SUMF1: variants seen among roughly 807,000 people sequenced by gnomAD.
The protein encoded by SUMF1 is sulfatase modifying factor 1, also known as formylglycine-generating enzyme.
SUMF1 carries 48 observed loss-of-function variants against 47.6 expected under a neutral mutation model. The ratio of observed to expected loss-of-function variants is 1.01; its 90% CI spans 0.80 to 1.28. The LOEUF is 1.28. Among genes scored for constraint, SUMF1 ranks in the 50% most tolerant of loss-of-function variants. The pLI, the probability that SUMF1 is intolerant of heterozygous loss-of-function variation, is 0.00. For missense variants in SUMF1, 571 were observed against 485.4 expected (o/e 1.18, Z -1.66); for synonymous variants, 230 against 192.1 (o/e 1.20, Z -1.63).
intron 9 of SUMF1, among the ~76,000 whole-genome samples, chr3:4,044,170 C>G (rs1282835046): frequency 2.0e-5 from 3 of 152,168 alleles, no homozygotes; most frequent in Non-Finnish European, 2.9e-5. Context: ...CCCTTGCCTT[C>G]TTATGTTAGA....
chr3:4,157,620 C>G lies in SUMF1; in HGVS notation c.1015-88875G>C, dbSNP rs188515519. Among the ~76,000 whole-genome samples, 176 of 151,584 alleles carry G rather than the reference C, an allele frequency of 1.2e-3. 4 individuals are homozygous for G. Among genetic ancestry groups the G allele is most frequent in the Non-Finnish European group, 2.0e-3 (138 of 67,914 alleles). On this transcript the variant is annotated intron_variant and NMD_transcript_variant, in intron 8 of 12. Transcript: ENST00000448413. ...GTAATGAGTCCATGGATTTCTTCTT[C>G]CCTGTGTTCTTCTCTCTAATCATCA...
chr3:4,412,128 A>G (rs1301698806), intron 6 of SUMF1, among the ~76,000 whole-genome samples: 1 of 152,252 alleles, frequency 6.6e-6, no homozygotes, highest in East Asian at 1.9e-4. Context: ...ATCAGCAATC[A>G]TTATGGAAAC....
rs1327363096 is a variant in SUMF1, at chr3:4,038,281, T to G, written c.1191+30288A>C. On this transcript the variant is annotated intron_variant and NMD_transcript_variant, in intron 9 of 12. Transcript: ENST00000448413. Reference sequence around the variant, plus strand: ...TGCAATCAGCCCAGGATAAGGGGTCTGTGCTGTGGGCCCAAGGCAGGGGTT... The same window carrying G: ...TGCAATCAGCCCAGGATAAGGGGTCGGTGCTGTGGGCCCAAGGCAGGGGTT... Among the ~76,000 whole-genome samples the G allele has an allele frequency of 3.3e-5, 5 of 152,276 alleles. No homozygotes were observed. The East Asian group carries it at 9.7e-4, about 30-fold the overall frequency.
chr3:4,151,353 TAC>T (rs1410317854), intron 8 of SUMF1, among the ~76,000 whole-genome samples: 1 of 147,184 alleles, frequency 6.8e-6, no homozygotes. Context: ...TAAATATACA[TAC>T]ACAATATATA....
At chr3:4,084,986 T>A (rs1023256858) in intron 8 of SUMF1, among the ~76,000 whole-genome samples, 4 of 152,082 alleles carry the variant, frequency 2.6e-5, no homozygotes, top group African/African-American at 9.7e-5. Flanking sequence ...TTACAGTATG[T>A]GTCTTGATTC....
intron 7 of SUMF1, among the ~76,000 whole-genome samples, chr3:4,388,819 A>ATCAGTCTT (rs1700757216): frequency 6.6e-6 from 1 of 152,166 alleles, no homozygotes; most frequent in African/African-American, 2.4e-5. Flanking sequence ...TCATAAATGT[A>ATCAGTCTT]TCAGTCTACT....
At chr3:4,283,509 TAAGAGCAAAAGA>T (rs1334010110) in intron 8 of SUMF1, among the ~76,000 whole-genome samples, 4 of 152,112 alleles carry the variant, frequency 2.6e-5, no homozygotes, top group African/African-American at 9.7e-5. Context: ...AAAATTCAAA[TAAGAGCAAAAGA>T]TTAACAAATT....
rs55734419 is a variant in SUMF1, at chr3:4,439,543, T to C, written c.519+9723A>G. ...CCTGTCTCAAAAAAAAAAAGTTAAG[T>C]GGCTTTTCCCAAAATCATTTGATAA... On this transcript the variant is annotated intron_variant, in intron 3 of 8. Transcript: ENST00000272902. Among the ~76,000 whole-genome samples, 322 of 151,760 alleles carry C rather than the reference T, an allele frequency of 2.1e-3. 1 individual carries two copies. The highest frequency in any genetic ancestry group is 7.5e-3 in the African/African-American group (311 of 41,388).
At chr3:4,216,095 C>T (rs1330267629) in intron 8 of SUMF1, among the ~76,000 whole-genome samples, 2 of 152,092 alleles carry the variant, frequency 1.3e-5, no homozygotes, top group Admixed American at 1.3e-4. Context: ...CAATCCTAAG[C>T]AAAAAGAACA....
At chr3:4,380,084 G>A (rs1700455209) in intron 7 of SUMF1, among the ~76,000 whole-genome samples, 1 of 152,172 alleles carries the variant, frequency 6.6e-6, no homozygotes, top group East Asian at 1.9e-4. Flanking sequence ...TACCACAGCA[G>A]GAAGAGCGGC....
intron 8 of SUMF1, among the ~76,000 whole-genome samples, chr3:4,129,453 T>C (rs1461531442): frequency 1.3e-5 from 2 of 152,036 alleles, no homozygotes; most frequent in Non-Finnish European, 2.9e-5. Context: ...AACTTCTAGA[T>C]CAAATGGAAA....
At chr3:4,053,473 G>C (rs1373294187) in intron 9 of SUMF1, among the ~76,000 whole-genome samples, 5 of 152,152 alleles carry the variant, frequency 3.3e-5, no homozygotes. Context: ...CTTTACGCAA[G>C]GTTGCCACAA....
chr3:4,313,539 T>A, intron 8 of SUMF1: 2 of 1,614,044 alleles, frequency 1.2e-6, no homozygotes, highest in South Asian at 1.1e-5. Flanking sequence ...CAGGAAGATA[T>A]CTTAATCTAA....
At chr3:4,099,074 G>T (rs1692971890) in intron 8 of SUMF1, among the ~76,000 whole-genome samples, 1 of 152,038 alleles carries the variant, frequency 6.6e-6, no homozygotes, top group South Asian at 2.1e-4. Context: ...GTTATGAGAT[G>T]GCATAAAAAG....
Position 4,418,013 on chromosome 3 carries a change from T to C in SUMF1, c.722A>G (p.Asn241Ser), listed in dbSNP as rs138045351. Residue 241 changes from asparagine (N) to serine (S), a missense_variant, in exon 5 of 9, where the codon AAT becomes AGT. Transcript: ENST00000272902. The part of the protein sequence containing the change: ...WEYSCRGGLH[N>S]RLFPWGNKLQ... ...CAAAATGAGATCCTCTAAATACCTA[T>C]TATGCAGGCCTCCTCGACAGCTGTA... The C allele has an allele frequency of 1.4e-4, 231 of 1,613,954 alleles. No individual in the cohort carries two copies. The African/African-American group carries it at 2.6e-3, about 18-fold the overall frequency.
At chr3:4,264,633 C>T (rs1697152155) in intron 8 of SUMF1, among the ~76,000 whole-genome samples, 1 of 152,164 alleles carries the variant, frequency 6.6e-6, no homozygotes, top group Non-Finnish European at 1.5e-5. Context: ...AGAGAAATAA[C>T]ACCCATTTAG....
chr3:4,148,286 G>T (rs1253275264), intron 8 of SUMF1, among the ~76,000 whole-genome samples: 1 of 152,084 alleles, frequency 6.6e-6, no homozygotes, highest in East Asian at 1.9e-4. Context: ...AGAGATGGGG[G>T]TTGATTTTTT....
At chr3:4,364,037 C>T (rs1204231669) in intron 8 of SUMF1, among the ~76,000 whole-genome samples, 5 of 130,276 alleles carry the variant, frequency 3.8e-5, no homozygotes, top group Admixed American at 2.5e-4. Context: ...TATTCATTTG[C>T]GTATATTGAA....
At chr3:4,199,377 C>G (rs1030992965) in intron 8 of SUMF1, among the ~76,000 whole-genome samples, 1 of 152,078 alleles carries the variant, frequency 6.6e-6, no homozygotes, top group Admixed American at 6.6e-5. Context: ...TATCTATTCC[C>G]CAGCTGAAGG....
Sources: gnomAD v4.1 joint callset for allele counts (sites outside exome capture counted in the v4.1 genomes callset) on GRCh38, gnomAD v4.1.1 for gene constraint, MANE v1.5 for transcripts, NCBI Gene and HGNC (gene_info 2026-07-23, HGNC 2026-07-21) for gene names.